CNOT6L: variants seen among roughly 807,000 people sequenced by gnomAD.
The protein encoded by CNOT6L is CCR4-NOT transcription complex subunit 6 like.
In CNOT6L, 7 loss-of-function variants were observed where a neutral mutation model predicts 64.0. The observed-to-expected ratio is 0.11, with a 90% CI of 0.06 to 0.21. The LOEUF is 0.21. CNOT6L is among the 10% of genes least tolerant of loss of function. The probability of loss-of-function intolerance (pLI) is 1.00; values close to 1 mark genes in which losing one functional copy is unlikely to be tolerated. For missense variants in CNOT6L, 245 were observed against 669.0 expected, an observed-to-expected ratio of 0.37 and a Z score of 6.99; for synonymous variants, 193 against 243.4, an observed-to-expected ratio of 0.79 and a Z score of 1.93.
At chr4:77,805,191 C>A (rs903370989) in intron 1 of CNOT6L, among the ~76,000 whole-genome samples, 3 of 152,098 alleles carry the variant, frequency 2.0e-5, no homozygotes, top group Admixed American at 2.0e-4. Context: ...CAAGCTTGAT[C>A]GCCATGAAGC....
At chr4:77,766,839 G>A (rs746353282) in intron 4 of CNOT6L, among the ~76,000 whole-genome samples, 18 of 151,824 alleles carry the variant, frequency 1.2e-4, no homozygotes, top group African/African-American at 2.4e-4. Context: ...AAAGGAGGGT[G>A]GATCACCAGA....
At chr4:77,818,719 C>A (rs1345322581) in intron 1 of CNOT6L, among the ~76,000 whole-genome samples, 1 of 152,106 alleles carries the variant, frequency 6.6e-6, no homozygotes, top group Non-Finnish European at 1.5e-5. Flanking sequence ...CCGCCTCCGA[C>A]CCTCACCTGC....
chr4:77,724,357 G>A (rs1175926278), intron 11 of CNOT6L, among the ~76,000 whole-genome samples: 1 of 151,020 alleles, frequency 6.6e-6, no homozygotes, highest in East Asian at 2.0e-4. Flanking sequence ...AAAAAATCTA[G>A]GCTGGGTAGG....
rs72864963 is a variant in CNOT6L, at chr4:77,765,397, A to G, written c.400+7684T>C. Among the ~76,000 whole-genome samples, 269 of 152,280 alleles carry G rather than the reference A, an allele frequency of 1.8e-3. 2 individuals are homozygous for G. The highest frequency in any genetic ancestry group is 5.4e-3 in the African/African-American group (224 of 41,564). ...AAAAAAAAATTTCTCAAAAGTTCTC[A>G]TAACTAAAATACATTGAAATAGTAG... On this transcript the variant is annotated intron_variant, in intron 4 of 11. Transcript: ENST00000504123.
At chr4:77,819,421 AGCCGCG>A (rs998394895), upstream of CNOT6L, 25 of 1,594,800 alleles carry the variant, frequency 1.6e-5, no homozygotes, top group Non-Finnish European at 1.9e-5. Context: ...TCCCCTCCAG[AGCCGCG>A]GCCGCAGACG....
intron 1 of CNOT6L, among the ~76,000 whole-genome samples, chr4:77,798,568 T>C (rs1731142999): frequency 6.6e-6 from 1 of 152,198 alleles, no homozygotes; most frequent in Non-Finnish European, 1.5e-5. Context: ...TACTCTATAC[T>C]TTGGCCTATT....
intron 1 of CNOT6L, among the ~76,000 whole-genome samples, chr4:77,790,197 T>C (rs1233310100): frequency 6.6e-6 from 1 of 152,124 alleles, no homozygotes; most frequent in Non-Finnish European, 1.5e-5. Flanking sequence ...CATTTAGTAT[T>C]ATGCATTTTA....
intron 4 of CNOT6L, among the ~76,000 whole-genome samples, chr4:77,759,034 TCAA>T (rs1262602786): frequency 1.3e-5 from 2 of 151,366 alleles, no homozygotes; most frequent in Non-Finnish European, 2.9e-5. Flanking sequence ...TACCACTACA[TCAA>T]CACCTACAGC....
Position 77,718,583 on chromosome 4 carries a change from A to G in CNOT6L, c.*1848T>C, listed in dbSNP as rs1720984340. The stretch of plus-strand genomic sequence containing the variant: ...GACATTCCAATTATAATAGATGACA[A>G]ACAACGCCTCTATCACTAGGCACTT... On this transcript the variant is annotated 3_prime_UTR_variant, in exon 12 of 12. Coordinates refer to ENST00000504123, the MANE Select transcript of CNOT6L (RefSeq NM_144571.3). The G allele has an allele frequency of 6.6e-6, 1 of 152,582 alleles. No homozygotes were observed. Among genetic ancestry groups the G allele is most frequent in the African/African-American group, 2.4e-5 (1 of 41,450 alleles). 9.5% of individuals were successfully genotyped at this position (152,582 alleles called of 1,614,324 possible). A position where few individuals can be genotyped will look rare whatever the true frequency, so the allele number is the denominator to read the frequency against.
chr4:77,802,717 G>A (rs1187464085), intron 1 of CNOT6L, among the ~76,000 whole-genome samples: 1 of 152,170 alleles, frequency 6.6e-6, no homozygotes, highest in Non-Finnish European at 1.5e-5. Context: ...CAAAAGCATA[G>A]ACCCTAATTA....
chr4:77,819,291 A>G lies in CNOT6L; in HGVS notation c.5+13T>C. ...CACTCTCGGTCCTACTCGGAGGCAA[A>G]AGAACACTCTACCTCATTCTCTTCC... On this transcript the variant is annotated intron_variant, in intron 1 of 11. Coordinates refer to ENST00000504123, the MANE Select transcript of CNOT6L (RefSeq NM_144571.3). 1 of 1,613,344 alleles carries G rather than the reference A, an allele frequency of 6.2e-7. No homozygotes were observed. The highest frequency in any genetic ancestry group is 8.5e-7 in the Non-Finnish European group (1 of 1,179,660).
intron 4 of CNOT6L, among the ~76,000 whole-genome samples, chr4:77,760,337 T>C (rs1577956832): frequency 6.6e-6 from 1 of 152,056 alleles, no homozygotes; most frequent in Admixed American, 6.6e-5. Flanking sequence ...ATAAGACCAC[T>C]GCACTCTAGC....
intron 7 of CNOT6L, among the ~76,000 whole-genome samples, chr4:77,743,505 T>C (rs1723825761): frequency 6.6e-6 from 1 of 150,512 alleles, no homozygotes; most frequent in African/African-American, 2.4e-5. Flanking sequence ...ATTATCAAGC[T>C]ACTCTGTTAC....
intron 5 of CNOT6L, among the ~76,000 whole-genome samples, chr4:77,754,145 GTATACATTA>G (rs1210121656): frequency 6.6e-6 from 1 of 152,042 alleles, no homozygotes; most frequent in African/African-American, 2.4e-5. Flanking sequence ...TGACATAATT[GTATACATTA>G]AAATAAAAAA....
chr4:77,727,560 CTCAAAA>C, intron 10 of CNOT6L, among the ~76,000 whole-genome samples: 1 of 66,402 alleles, frequency 1.5e-5, no homozygotes, highest in African/African-American at 6.8e-5. Context: ...ACAACTCTGT[CTCAAAA>C]AAAAAAAAAA....
chr4:77,769,373 A>G (rs1236244257), intron 4 of CNOT6L, among the ~76,000 whole-genome samples: 2 of 152,126 alleles, frequency 1.3e-5, no homozygotes, highest in Non-Finnish European at 2.9e-5. Context: ...TCTCACCAAC[A>G]GGGCTATTTT....
At chr4:77,726,424 T>G in intron 10 of CNOT6L, 55 bp from the exon 11 acceptor site, 1 of 1,396,878 alleles carries the variant, frequency 7.2e-7, no homozygotes, top group Non-Finnish European at 9.9e-7. Flanking sequence ...TACACAAGGC[T>G]TCACAGCCAA....
In CNOT6L at chr4:77,720,590, G is replaced by A; in HGVS notation, c.1509C>T (p.Val503=). 1 of 1,613,326 alleles carries A rather than the reference G, an allele frequency of 6.2e-7. No individual in the cohort carries two copies. Among genetic ancestry groups the A allele is most frequent in the South Asian group, 1.1e-5 (1 of 91,066 alleles). ...GCCATTGAGGATCTAAAGGCCCCAG[G>A]ACACCAAGCACGTTCATATGAGTCT... The part of the protein sequence containing the change: ...YSKTHMNVLG[V]LGPLDPQWLV... The change falls in exon 12 of 12, where the codon GTC becomes GTT. Residue 503 remains valine (V), a synonymous_variant. Transcript: ENST00000504123.
intron 11 of CNOT6L, among the ~76,000 whole-genome samples, chr4:77,721,849 A>G (rs1445806087): frequency 6.6e-6 from 1 of 151,980 alleles, no homozygotes; most frequent in African/African-American, 2.4e-5. Flanking sequence ...GCAGGCACCC[A>G]TAGTCCCAGC....
Sources: gnomAD v4.1 joint callset for allele counts (sites outside exome capture counted in the v4.1 genomes callset) on GRCh38, gnomAD v4.1.1 for gene constraint, MANE v1.5 for transcripts, NCBI Gene and HGNC (gene_info 2026-07-23, HGNC 2026-07-21) for gene names.